The following RALYL variants were observed in gnomAD, a reference collection of about 807,000 sequenced individuals.
The protein encoded by RALYL is RALY RNA binding protein like.
In RALYL, 29 loss-of-function variants were observed where a neutral mutation model predicts 35.1. That is an observed-to-expected ratio of 0.83 (90% confidence interval 0.61 to 1.13). The LOEUF is 1.13. Ranked by LOEUF, RALYL falls within the 50% of genes most tolerant of loss-of-function variation. The pLI, the probability that RALYL is intolerant of heterozygous loss-of-function variation, is 0.00. For missense variants in RALYL, 359 were observed against 360.4 expected, an observed-to-expected ratio of 1.00 and a Z score of 0.03; for synonymous variants, 120 against 127.6, an observed-to-expected ratio of 0.94 and a Z score of 0.40.
intron 2 of RALYL, among the ~76,000 whole-genome samples, chr8:84,770,449 T>G (rs1815172087): frequency 8.8e-6 from 1 of 113,562 alleles, no homozygotes; most frequent in South Asian, 2.6e-4. Context: ...CACTTGCTGA[T>G]TGATGGGCCT....
chr8:84,291,597 T>G (rs1236194805), intron 1 of RALYL, among the ~76,000 whole-genome samples: 1 of 152,128 alleles, frequency 6.6e-6, no homozygotes, highest in East Asian at 1.9e-4. Flanking sequence ...GTACCATGAC[T>G]TTATTCCTGA....
At chr8:84,871,439 C>A (rs910454381) in intron 6 of RALYL, among the ~76,000 whole-genome samples, 1 of 152,124 alleles carries the variant, frequency 6.6e-6, no homozygotes, top group Non-Finnish European at 1.5e-5. Context: ...ATTTCTCCTG[C>A]ATTGAAATCT....
intron 7 of RALYL, among the ~76,000 whole-genome samples, chr8:84,881,256 A>G (rs1021529258): frequency 6.6e-6 from 1 of 152,028 alleles, no homozygotes; most frequent in African/African-American, 2.4e-5. Flanking sequence ...ATTTATTGGA[A>G]CCATTGAGTT....
At chr8:84,485,788 T>A (rs2054547854) in intron 1 of RALYL, among the ~76,000 whole-genome samples, 1 of 152,102 alleles carries the variant, frequency 6.6e-6, no homozygotes, top group South Asian at 2.1e-4. Context: ...ATATGAAGCC[T>A]CTTCTCACGA....
intron 1 of RALYL, among the ~76,000 whole-genome samples, chr8:84,499,145 T>G (rs1349286885): frequency 6.6e-6 from 1 of 151,818 alleles, no homozygotes; most frequent in Non-Finnish European, 1.5e-5. Flanking sequence ...GTTTGTTACA[T>G]GGATACACTG....
At chr8:84,235,276 G>A (rs1036552302) in intron 1 of RALYL, among the ~76,000 whole-genome samples, 5 of 152,176 alleles carry the variant, frequency 3.3e-5, no homozygotes, top group African/African-American at 1.2e-4. Flanking sequence ...TTCAGATGAA[G>A]TTGAAATACA....
chr8:84,584,123 T>C (rs2136015550), intron 2 of RALYL, among the ~76,000 whole-genome samples: 1 of 152,316 alleles, frequency 6.6e-6, no homozygotes, highest in Middle Eastern at 3.4e-3. Context: ...ACCCTTTTAG[T>C]TATTTTTGAA....
chr8:84,541,492 G>T (rs1588081567), intron 2 of RALYL, among the ~76,000 whole-genome samples: 1 of 151,900 alleles, frequency 6.6e-6, no homozygotes, highest in East Asian at 1.9e-4. Flanking sequence ...CCCTAGATAT[G>T]GTCAGTTTTA....
At chr8:84,442,762 C>T (rs1184311599) in intron 1 of RALYL, among the ~76,000 whole-genome samples, 1 of 152,118 alleles carries the variant, frequency 6.6e-6, no homozygotes, top group Admixed American at 6.6e-5. Flanking sequence ...CAGGGAATAA[C>T]AGAAAACAGG....
chr8:84,868,651 G>A (rs1839624329), intron 6 of RALYL, among the ~76,000 whole-genome samples: 1 of 152,092 alleles, frequency 6.6e-6, no homozygotes, highest in African/African-American at 2.4e-5. Flanking sequence ...GCATATAGTA[G>A]GCATTTAATG....
intron 3 of RALYL, among the ~76,000 whole-genome samples, chr8:84,792,559 C>T (rs1321493945): frequency 6.6e-6 from 1 of 152,160 alleles, no homozygotes; most frequent in Non-Finnish European, 1.5e-5. Flanking sequence ...TGCCTTTTCT[C>T]ATTTAGGGCC....
At chr8:84,345,495 G>T (rs1313465282) in intron 1 of RALYL, among the ~76,000 whole-genome samples, 1 of 151,968 alleles carries the variant, frequency 6.6e-6, no homozygotes, top group African/African-American at 2.4e-5. Context: ...TTGCCCCAGG[G>T]TTATCTTTAG....
At chr8:84,387,602 G>A (rs987366356) in intron 1 of RALYL, among the ~76,000 whole-genome samples, 19 of 151,636 alleles carry the variant, frequency 1.3e-4, no homozygotes, top group African/African-American at 4.1e-4. Context: ...GGCAGGGATT[G>A]ACTGCCATGT....
Position 84,264,389 on chromosome 8 carries a change from T to G in RALYL, c.-24+79965T>G, listed in dbSNP as rs529351542. Among the ~76,000 whole-genome samples, 252 of 152,240 alleles carry G rather than the reference T, an allele frequency of 1.7e-3. 1 individual carries two copies. Among genetic ancestry groups the G allele is most frequent in the African/African-American group, 5.8e-3 (242 of 41,546 alleles). ...AGTGATGTTGAGCTTTTTTCATATG[T>G]TTCGTGGTTGCATGAATGTCACTTG... On this transcript the variant is annotated intron_variant, in intron 1 of 8. Coordinates refer to ENST00000521268, the MANE Select transcript of RALYL (RefSeq NM_173848.7).
chr8:84,738,261 G>A (rs1447859774), intron 2 of RALYL, among the ~76,000 whole-genome samples: 1 of 151,748 alleles, frequency 6.6e-6, no homozygotes, highest in African/African-American at 2.4e-5. Flanking sequence ...AAAGATGAAG[G>A]ACATTCCTAG....
At chr8:84,230,103 C>T (rs1384113778) in intron 1 of RALYL, among the ~76,000 whole-genome samples, 1 of 151,906 alleles carries the variant, frequency 6.6e-6, no homozygotes, top group Non-Finnish European at 1.5e-5. Flanking sequence ...TAATATAGTC[C>T]TCATATATAG....
intron 1 of RALYL, among the ~76,000 whole-genome samples, chr8:84,327,013 C>T (rs1384648212): frequency 1.3e-5 from 2 of 152,092 alleles, no homozygotes; most frequent in African/African-American, 4.8e-5. Flanking sequence ...TTTCTGTGGT[C>T]CTATTCCAAA....
chr8:84,571,279 A>G (rs1204367691), intron 2 of RALYL, among the ~76,000 whole-genome samples: 1 of 151,590 alleles, frequency 6.6e-6, no homozygotes, highest in Non-Finnish European at 1.5e-5. Flanking sequence ...TTTATTATCG[A>G]TTCAATTTTA....
At chr8:84,257,959 T>C (rs952765336) in intron 1 of RALYL, among the ~76,000 whole-genome samples, 4 of 152,162 alleles carry the variant, frequency 2.6e-5, no homozygotes, top group Non-Finnish European at 1.5e-5. Flanking sequence ...CAGGAAAATA[T>C]TTCAGGGACA....
Sources: gnomAD v4.1 joint callset for allele counts (sites outside exome capture counted in the v4.1 genomes callset) on GRCh38, gnomAD v4.1.1 for gene constraint, MANE v1.5 for transcripts, NCBI Gene and HGNC (gene_info 2026-07-23, HGNC 2026-07-21) for gene names.